Variants in USP6NL observed in about 807,000 individuals in gnomAD.
USP6NL encodes the protein USP6 N-terminal-like protein.
A neutral mutation model predicts 61.9 loss-of-function variants in USP6NL; 26 were observed. The ratio of observed to expected loss-of-function variants is 0.42; its 90% confidence interval spans 0.31 to 0.58. The LOEUF is 0.58. Ranked by LOEUF, USP6NL falls within the 20% of genes least tolerant of loss-of-function variation. The probability of loss-of-function intolerance (pLI) is 0.16; values close to 1 mark genes in which losing one functional copy is unlikely to be tolerated. For missense variants in USP6NL, 1,114 were observed against 1,034.3 expected, an observed-to-expected ratio of 1.08 and a Z score of -1.06; for synonymous variants, 432 against 390.1, an observed-to-expected ratio of 1.11 and a Z score of -1.27.
chr10:11,524,780 T>C (rs981653916), intron 4 of USP6NL, among the ~76,000 whole-genome samples: 4 of 152,202 alleles, frequency 2.6e-5, no homozygotes, highest in Non-Finnish European at 5.9e-5. Flanking sequence ...TAGAAGTCTC[T>C]AGCCTGTAGG....
chr10:11,569,951 C>A (rs533316403), intron 2 of USP6NL, among the ~76,000 whole-genome samples: 145 of 152,280 alleles, frequency 9.5e-4, no homozygotes, highest in Non-Finnish European at 1.5e-3. Flanking sequence ...TATTTTCTTG[C>A]CATACTTAAC....
Position 11,597,744 on chromosome 10 carries a change from T to C in USP6NL, c.-83-27A>G, listed in dbSNP as rs1838377815. 2.5e-6 allele frequency: 2 copies of C among 796,382 alleles called. No homozygotes were observed. The highest frequency in any genetic ancestry group is 2.4e-5 in the Admixed American group (1 of 41,982). The allele number at this position is 796,382 out of a possible 1,614,324, so 49.3% of individuals were successfully genotyped here. A position where few individuals can be genotyped will look rare whatever the true frequency, so the allele number is the denominator to read the frequency against. On this transcript the variant is annotated intron_variant, in intron 1 of 14. Coordinates refer to ENST00000609104, the MANE Select transcript of USP6NL (RefSeq NM_014688.5). The surrounding 1 kb of genome is among the most constrained non-coding windows in gnomAD (Gnocchi z 4.6). ...TAGTCAGGAAACAAAGAGAAAGAAA[T>C]AGTATTTTCTAGAGGTCAATATTTA...
At position 11,474,093 on chromosome 10, in the gene USP6NL, C is replaced by T. The variant is rs921876091; in HGVS notation, c.1078+7677G>A. Among the ~76,000 whole-genome samples the T allele has an allele frequency of 6.6e-6, 1 of 152,086 alleles. No individual in the cohort carries two copies. Among genetic ancestry groups the T allele is most frequent in the African/African-American group, 2.4e-5 (1 of 41,406 alleles). ...CTGAGAAAGTACACCCCAAGTTTAC[C>T]TGGGAAAAAAGTCTTAATTCCTGAA... is the stretch of plus-strand genomic sequence containing the variant. On this transcript the variant is annotated intron_variant, in intron 14 of 14. Transcript: ENST00000609104. The surrounding 1 kb of genome is among the most constrained non-coding windows in gnomAD (Gnocchi z 4.9).
intron 7 of USP6NL, among the ~76,000 whole-genome samples, chr10:11,497,660 G>T (rs1056279451): frequency 5.9e-5 from 9 of 152,108 alleles, no homozygotes; most frequent in Admixed American, 5.2e-4. Context: ...AGGCCTCATG[G>T]TGGAAGAAAA....
rs1837510509 is a variant in USP6NL at position 11,575,567 on chromosome 10, A to G, written c.4+22064T>C. ...AGGAGTATCTAAATTCATGTCTCAT[A>G]AATTTCAATCATCATCTTCCTTATC... On this transcript the variant is annotated intron_variant, in intron 2 of 14. Coordinates refer to ENST00000609104, the MANE Select transcript of USP6NL (RefSeq NM_014688.5). This position sits in a 1 kb window ranked among gnomAD's most constrained non-coding sequence, Gnocchi z 4.2. Among the ~76,000 whole-genome samples, 1 of 152,238 alleles carries G rather than the reference A, an allele frequency of 6.6e-6. No homozygotes were observed. Among genetic ancestry groups the G allele is most frequent in the Non-Finnish European group, 1.5e-5 (1 of 68,036 alleles).
chr10:11,481,902 T>A lies in USP6NL; in HGVS notation c.946A>T (p.Met316Leu). The A allele has an allele frequency of 6.2e-7, 1 of 1,609,524 alleles. No homozygotes were observed. The highest frequency in any genetic ancestry group is 8.5e-7 in the Non-Finnish European group (1 of 1,178,190). Reference protein sequence around the residue: ...LHKKHLMKLSMEELVEFFQET... With the variant: ...LHKKHLMKLSLEELVEFFQET... ...TGAAAAAATTCTACAAGTTCTTCCA[T>A]GGACAATTTCATTAGATGTTCTAAG... The change falls in exon 14 of 15, where the codon ATG (methionine) becomes TTG (leucine). Residue 316 changes from methionine to leucine, a missense_variant. By Grantham distance (15) the Met-to-Leu change is conservative. Transcript: ENST00000609104. This position sits in a 1 kb window ranked among gnomAD's most constrained non-coding sequence, Gnocchi z 4.4.
chr10:11,522,375 C>A (rs1835246345), intron 4 of USP6NL, among the ~76,000 whole-genome samples: 1 of 152,128 alleles, frequency 6.6e-6, no homozygotes, highest in African/African-American at 2.4e-5. Context: ...CAAGGTGTGA[C>A]AGGGAATAAT....
chr10:11,579,708 G>A (rs1837674538), intron 2 of USP6NL, among the ~76,000 whole-genome samples: 1 of 152,168 alleles, frequency 6.6e-6, no homozygotes, highest in Non-Finnish European at 1.5e-5. Flanking sequence ...TTATCCCAGT[G>A]AATTTTAGCT....
intron 2 of USP6NL, among the ~76,000 whole-genome samples, chr10:11,535,275 T>C (rs916963488): frequency 1.3e-5 from 2 of 152,204 alleles, no homozygotes; most frequent in East Asian, 1.9e-4. Flanking sequence ...GTTTCTCCAG[T>C]ACCCCAGTGG....
At position 11,589,286 on chromosome 10, in the gene USP6NL, C is replaced by T. The variant is rs1838081553; in HGVS notation, c.4+8345G>A. On this transcript the variant is annotated intron_variant, in intron 2 of 14. Transcript: ENST00000609104. The surrounding 1 kb of genome is among the most constrained non-coding windows in gnomAD (Gnocchi z 4.7). ...ATTTCTGTTATATTAGTTAAAACAACAAATTTAAGCAGGTTTGAAAATTAA... is the reference window on the plus strand; with the variant it reads ...ATTTCTGTTATATTAGTTAAAACAATAAATTTAAGCAGGTTTGAAAATTAA... Among the ~76,000 whole-genome samples, 1 of 152,130 alleles carries T rather than the reference C, an allele frequency of 6.6e-6. No homozygotes were observed. Among genetic ancestry groups the T allele is most frequent in the African/African-American group, 2.4e-5 (1 of 41,436 alleles).
intron 5 of USP6NL, among the ~76,000 whole-genome samples, chr10:11,514,379 G>T (rs11257139): frequency 0.2 from 27,961 of 139,894 alleles, 2,907 homozygotes; most frequent in East Asian, 0.47. Context: ...TCTATATTAT[G>T]AAATGACATT....
At chr10:11,568,701 G>A (rs999401625) in intron 2 of USP6NL, among the ~76,000 whole-genome samples, 1 of 152,170 alleles carries the variant, frequency 6.6e-6, no homozygotes, top group Non-Finnish European at 1.5e-5. Flanking sequence ...AGTGTCACTG[G>A]TGTCACAGAA....
chr10:11,599,133 T>C (rs1389401291), intron 1 of USP6NL, among the ~76,000 whole-genome samples: 3 of 152,226 alleles, frequency 2.0e-5, no homozygotes, highest in Admixed American at 1.3e-4. Flanking sequence ...TAACTGACTA[T>C]TTAGATTTGT....
At chr10:11,599,560 G>A (rs1838440721) in intron 1 of USP6NL, among the ~76,000 whole-genome samples, 1 of 151,984 alleles carries the variant, frequency 6.6e-6, no homozygotes, top group African/African-American at 2.4e-5. Context: ...TACCATCTGA[G>A]GTAATAAATG....
intron 1 of USP6NL, among the ~76,000 whole-genome samples, chr10:11,610,278 T>A (rs1192258032): frequency 1.3e-5 from 2 of 152,306 alleles, no homozygotes; most frequent in African/African-American, 4.8e-5. Flanking sequence ...AATGTTGTTA[T>A]AAAAGAATGG....
Position 11,485,331 on chromosome 10 carries a change from G to T in USP6NL, c.760-97C>A. ...AAGGCTGTTGGATGCAGCTATCAAA[G>T]CTAAACACATTTACTTCTCAAAATC... On this transcript the variant is annotated intron_variant, in intron 11 of 14. Transcript: ENST00000609104. This position sits in a 1 kb window ranked among gnomAD's most constrained non-coding sequence, Gnocchi z 4.8. 2 of 928,792 alleles carry T rather than the reference G, an allele frequency of 2.2e-6. No homozygotes were observed. The highest frequency in any genetic ancestry group is 3.2e-6 in the Non-Finnish European group (2 of 632,490). 57.5% of individuals were successfully genotyped at this position (928,792 alleles called of 1,614,324 possible).
chr10:11,608,321 T>C (rs1371434953), intron 1 of USP6NL, among the ~76,000 whole-genome samples: 1 of 152,214 alleles, frequency 6.6e-6, no homozygotes, highest in Non-Finnish European at 1.5e-5. Context: ...GTAGAATGAC[T>C]TCCCTTCTCT....
rs1832719384 is a variant in USP6NL at position 11,470,994 on chromosome 10, G to A, written c.1079-7145C>T. Among the ~76,000 whole-genome samples, 1 of 152,174 alleles carries A rather than the reference G, an allele frequency of 6.6e-6. No homozygotes were observed. Among genetic ancestry groups the A allele is most frequent in the Non-Finnish European group, 1.5e-5 (1 of 68,028 alleles). ...AGGTCAGGAGATGGAGACCATCCCG[G>A]CCAACATGGTGAAACCCAGTCTCTA... On this transcript the variant is annotated intron_variant, in intron 14 of 14. Coordinates refer to ENST00000609104, the MANE Select transcript of USP6NL (RefSeq NM_014688.5). The surrounding 1 kb of genome is among the most constrained non-coding windows in gnomAD (Gnocchi z 5.4).
Position 11,496,032 on chromosome 10 carries a change from G to A in USP6NL, c.385-2804C>T, listed in dbSNP as rs1478328610. Reference sequence around the variant, plus strand: ...TTCCAATCTCCTGTCAGGAAGACAAGCACCTGGCTGCTAGTGATCTGGGAG... The same window carrying A: ...TTCCAATCTCCTGTCAGGAAGACAAACACCTGGCTGCTAGTGATCTGGGAG... On this transcript the variant is annotated intron_variant, in intron 7 of 14. Transcript: ENST00000609104. This position sits in a 1 kb window ranked among gnomAD's most constrained non-coding sequence, Gnocchi z 5.4. Among the ~76,000 whole-genome samples, 17 of 152,208 alleles carry A rather than the reference G, an allele frequency of 1.1e-4. 1 individual carries two copies. Among genetic ancestry groups the A allele is most frequent in the Admixed American group, 9.2e-4 (14 of 15,280 alleles).
Sources: gnomAD v4.1 joint callset for allele counts (sites outside exome capture counted in the v4.1 genomes callset) on GRCh38, gnomAD v4.1.1 for gene constraint, Gnocchi (gnomAD v3.1) non-coding constraint, MANE v1.5 for transcripts, NCBI Gene and HGNC (gene_info 2026-07-23, HGNC 2026-07-21) for gene names.